RNF144A: variants seen among roughly 807,000 people sequenced by gnomAD.
The protein encoded by RNF144A is E3 ubiquitin-protein ligase RNF144A.
Under a neutral mutation model 38.7 loss-of-function variants are expected in RNF144A, and 11 were observed. That is an observed-to-expected ratio of 0.28 (90% CI 0.18 to 0.47). The LOEUF (loss-of-function observed/expected upper bound fraction) is 0.47. RNF144A is among the 20% of genes least tolerant of loss of function. RNF144A has a pLI of 0.99. For missense variants in RNF144A, 316 were observed against 377.2 expected, an observed-to-expected ratio of 0.84 and a Z score of 1.34; for synonymous variants, 149 against 143.9, an observed-to-expected ratio of 1.04 and a Z score of -0.25.
intron 8 of RNF144A, among the ~76,000 whole-genome samples, chr2:7,037,592 GGA>G (rs1164776986): frequency 1.3e-5 from 2 of 152,248 alleles, no homozygotes; most frequent in African/African-American, 4.8e-5. Context: ...CAGCAGGCAT[GGA>G]TTCCCAGCAT....
intron 1 of RNF144A, among the ~76,000 whole-genome samples, chr2:6,920,177 A>G (rs528426178): frequency 1.3e-5 from 2 of 152,340 alleles, no homozygotes; most frequent in African/African-American, 4.8e-5. Context: ...GTGGTCCACC[A>G]CGTGGCCCCA....
intron 6 of RNF144A, chr2:7,068,124 G>A: frequency 1.6e-6 from 1 of 617,088 alleles, no homozygotes; most frequent in Non-Finnish European, 2.7e-6. Flanking sequence ...CTTTGCAGTG[G>A]TCCCTCTATT....
At position 6,958,371 on chromosome 2, in the gene RNF144A, A is replaced by T. The variant is rs761539502; in HGVS notation, c.-12+17224A>T. ...TTCCTTGCTTTCCTCCCCGACACCC[A>T]GGTGACCACCCAGTTTGGGAGGAAA... On this transcript the variant is annotated intron_variant, in intron 2 of 8. Transcript: ENST00000320892. The surrounding 1 kb of genome is among the most constrained non-coding windows in gnomAD (Gnocchi z 4.5). 6.6e-6 allele frequency among the ~76,000 whole-genome samples: 1 copy of T among 152,236 alleles called. No homozygotes were observed. The highest frequency in any genetic ancestry group is 1.5e-5 in the Non-Finnish European group (1 of 68,036).
intron 2 of RNF144A, among the ~76,000 whole-genome samples, chr2:6,973,907 GA>G (rs1280582624): frequency 2.0e-5 from 3 of 152,328 alleles, no homozygotes; most frequent in African/African-American, 7.2e-5. Context: ...CACAAAGCCT[GA>G]AATATTTTCC....
chr2:7,067,391 T>A (rs1272097241), intron 6 of RNF144A, among the ~76,000 whole-genome samples: 1 of 152,210 alleles, frequency 6.6e-6, no homozygotes, highest in Non-Finnish European at 1.5e-5. Context: ...GTAGACAACC[T>A]TCGTGGTGTT....
rs191604034 is a variant in RNF144A, at chr2:7,042,363, C to T, written c.*2603C>T. The T allele has an allele frequency of 1.8e-5, 18 of 985,428 alleles. No homozygotes were observed. Among genetic ancestry groups the T allele is most frequent in the African/African-American group, 1.4e-4 (8 of 57,352 alleles). The allele number at this position is 985,428 out of a possible 1,614,324, so 61.0% of individuals were successfully genotyped here. The stretch of plus-strand genomic sequence containing the variant: ...AGTGGACGGACTTATTCCTGTGAAG[C>T]GGCATAATTTGTCTCCATTGAAAAA... On this transcript the variant is annotated 3_prime_UTR_variant, in exon 9 of 9. Coordinates refer to ENST00000320892, the MANE Select transcript of RNF144A (RefSeq NM_014746.6).
intron 1 of RNF144A, among the ~76,000 whole-genome samples, chr2:6,920,171 T>A (rs979450774): frequency 5.9e-5 from 9 of 152,214 alleles, no homozygotes; most frequent in African/African-American, 2.2e-4. Flanking sequence ...TCCCCTGTGG[T>A]CCACCACGTG....
At chr2:7,006,320 T>A (rs1016229548) in intron 3 of RNF144A, among the ~76,000 whole-genome samples, 1 of 152,146 alleles carries the variant, frequency 6.6e-6, no homozygotes, top group Non-Finnish European at 1.5e-5. Context: ...GGATGAACAA[T>A]TCTCTACACA....
At chr2:6,938,286 T>C (rs1251922732) in intron 1 of RNF144A, among the ~76,000 whole-genome samples, 1 of 143,772 alleles carries the variant, frequency 7.0e-6, no homozygotes, top group Non-Finnish European at 1.5e-5. Flanking sequence ...TCGCTCTTGT[T>C]GCCCAGGCTG....
chr2:7,066,365 G>A (rs557505813), intron 6 of RNF144A, among the ~76,000 whole-genome samples: 1 of 152,274 alleles, frequency 6.6e-6, no homozygotes, highest in East Asian at 1.9e-4. Context: ...GGGATTACAG[G>A]CGTCAGCCAC....
the RNF144A span, chr2:7,074,839 G>T: frequency 0.065 from 9,992 of 152,830 alleles, 368 homozygotes; most frequent in Middle Eastern, 0.16. Flanking sequence ...AAAGAAGGAG[G>T]GGGGGAAGGA....
intron 2 of RNF144A, among the ~76,000 whole-genome samples, chr2:6,946,484 T>G (rs1666352509): frequency 6.6e-6 from 1 of 151,952 alleles, no homozygotes; most frequent in Non-Finnish European, 1.5e-5. Context: ...TTTTTCTTTC[T>G]CTCTCTAAAT....
At chr2:6,967,811 CT>C (rs1005946661) in intron 2 of RNF144A, among the ~76,000 whole-genome samples, 5 of 151,298 alleles carry the variant, frequency 3.3e-5, no homozygotes, top group East Asian at 3.9e-4. Context: ...CCATAGACTC[CT>C]TTTTTTTTAA....
chr2:7,023,627 A>T (rs900497371), intron 6 of RNF144A, among the ~76,000 whole-genome samples: 2 of 152,130 alleles, frequency 1.3e-5, no homozygotes, highest in Admixed American at 6.5e-5. Context: ...GTCATACCTA[A>T]TGTCTGTGTT....
At chr2:7,071,809 T>C (rs942411200), downstream of RNF144A, among the ~76,000 whole-genome samples, 2 of 152,210 alleles carry the variant, frequency 1.3e-5, no homozygotes, top group Non-Finnish European at 2.9e-5. Flanking sequence ...TGATTTAACA[T>C]TTACCACCAG....
chr2:7,024,698 C>G (rs1450146757), intron 7 of RNF144A, among the ~76,000 whole-genome samples, 182 bp downstream of exon 7: 2 of 152,190 alleles, frequency 1.3e-5, no homozygotes, highest in African/African-American at 4.8e-5. Flanking sequence ...GCCATGGGGA[C>G]AGAAGCCTTT....
Position 7,042,776 on chromosome 2 carries a change from A to G in RNF144A, c.*3016A>G, listed in dbSNP as rs370129693. 1.1e-5 allele frequency: 11 copies of G among 985,506 alleles called. No homozygotes were observed. The highest frequency in any genetic ancestry group is 5.2e-5 in the African/African-American group (3 of 57,380). The allele number at this position is 985,506 out of a possible 1,614,324, so 61.0% of individuals were successfully genotyped here. A position where few individuals can be genotyped will look rare whatever the true frequency, so the allele number is the denominator to read the frequency against. ...GATCTGAGATAAAGCATCGGATTGC[A>G]GGAATAACTGTCCAAATTAGTTCTT... is the stretch of plus-strand genomic sequence containing the variant. On this transcript the variant is annotated 3_prime_UTR_variant, in exon 9 of 9. Transcript: ENST00000320892.
At chr2:7,062,577 T>C (rs892659538) in intron 6 of RNF144A, 1 of 151,024 alleles carries the variant, frequency 6.6e-6, no homozygotes, top group African/African-American at 2.4e-5. Context: ...AGACATTGCA[T>C]TATAGTAGCA....
rs17668045 is a variant in RNF144A at position 7,042,788 on chromosome 2, C to A, written c.*3028C>A. The A allele has an allele frequency of 0.082, 80,969 of 985,064 alleles. 3,526 individuals carry two copies. The highest frequency in any genetic ancestry group is 0.18 in the Middle Eastern group (339 of 1,914). 61.0% of individuals were successfully genotyped at this position (985,064 alleles called of 1,614,324 possible). Reference sequence around the variant, plus strand: ...AGCATCGGATTGCAGGAATAACTGTCCAAATTAGTTCTTCCTCCTCAACTC... The same window carrying A: ...AGCATCGGATTGCAGGAATAACTGTACAAATTAGTTCTTCCTCCTCAACTC... On this transcript the variant is annotated 3_prime_UTR_variant, in exon 9 of 9. Transcript: ENST00000320892.
Sources: allele counts gnomAD v4.1 joint callset (sites outside exome capture counted in the v4.1 genomes callset), GRCh38; gene constraint gnomAD v4.1.1; non-coding constraint Gnocchi (gnomAD v3.1); transcripts MANE v1.5; gene names NCBI Gene and HGNC (gene_info 2026-07-23, HGNC 2026-07-21).